The following FILIP1L variants were observed in gnomAD, a reference collection of about 807,000 sequenced individuals.
FILIP1L encodes the protein filamin A-interacting protein 1-like.
Under a neutral mutation model 96.6 loss-of-function variants are expected in FILIP1L, and 55 were observed. That is an observed-to-expected ratio of 0.57 (90% CI 0.46 to 0.71). The LOEUF (loss-of-function observed/expected upper bound fraction) is 0.71, where lower values mean the gene tolerates loss of function less well. Ranked by LOEUF, FILIP1L falls within the 30% of genes least tolerant of loss-of-function variation. The pLI is 0.00. For missense variants in FILIP1L, 1,304 were observed against 1,321.2 expected (o/e 0.99, Z 0.20); for synonymous variants, 467 against 473.9 (o/e 0.99, Z 0.19).
chr3:99,983,447 T>C (rs1328129482), intron 1 of FILIP1L, among the ~76,000 whole-genome samples: 47 of 7,918 alleles, frequency 5.9e-3, no homozygotes, highest in Admixed American at 0.012. Context: ...TATATGTATG[T>C]ATATATATAT....
intron 4 of FILIP1L, among the ~76,000 whole-genome samples, chr3:99,861,666 G>A (rs1477804538): frequency 6.6e-6 from 1 of 152,100 alleles, no homozygotes. Context: ...ATTACCCCCA[G>A]CAAGAGATTG....
chr3:99,959,145 C>G (rs1576601502), intron 1 of FILIP1L, among the ~76,000 whole-genome samples: 1 of 151,950 alleles, frequency 6.6e-6, no homozygotes, highest in East Asian at 1.9e-4. Flanking sequence ...TTTTCCCAAA[C>G]TTTATTTTTA....
intron 1 of FILIP1L, among the ~76,000 whole-genome samples, chr3:99,934,923 T>G (rs903560485): frequency 6.6e-6 from 1 of 152,242 alleles, no homozygotes; most frequent in Non-Finnish European, 1.5e-5. Flanking sequence ...ATCAACATTC[T>G]CACTGATTAA....
At chr3:100,059,087 C>T (rs967916471) in intron 1 of FILIP1L, among the ~76,000 whole-genome samples, 2 of 152,158 alleles carry the variant, frequency 1.3e-5, no homozygotes, top group African/African-American at 2.4e-5. Flanking sequence ...GTCAGCACTA[C>T]AAAGTAAAGC....
chr3:99,843,233 G>T (rs1943211646), intron 5 of FILIP1L, among the ~76,000 whole-genome samples: 1 of 152,150 alleles, frequency 6.6e-6, no homozygotes, highest in Non-Finnish European at 1.5e-5. Flanking sequence ...TAAGTTGAGG[G>T]CCTGGGATTG....
intron 4 of FILIP1L, among the ~76,000 whole-genome samples, chr3:99,905,046 T>A (rs1706568204): frequency 6.6e-6 from 1 of 152,238 alleles, no homozygotes; most frequent in Non-Finnish European, 1.5e-5. Flanking sequence ...CACTGCTCCA[T>A]GCCAGTTAAC....
At chr3:100,078,759 C>T (rs551261436) in intron 1 of FILIP1L, among the ~76,000 whole-genome samples, 22 of 152,138 alleles carry the variant, frequency 1.4e-4, no homozygotes, top group African/African-American at 4.1e-4. Context: ...AGCATCATGG[C>T]GGGTGCCTGT....
chr3:99,979,524 T>C (rs186288921), intron 1 of FILIP1L, among the ~76,000 whole-genome samples: 20 of 152,324 alleles, frequency 1.3e-4, no homozygotes, highest in African/African-American at 4.6e-4. Context: ...TTATTTTTCT[T>C]TCCCAGATTT....
intron 4 of FILIP1L, among the ~76,000 whole-genome samples, chr3:99,869,336 G>A (rs1025441422): frequency 6.6e-6 from 1 of 152,140 alleles, no homozygotes; most frequent in Non-Finnish European, 1.5e-5. Flanking sequence ...TTTGGGGGGA[G>A]ATTAGTGGAG....
intron 4 of FILIP1L, among the ~76,000 whole-genome samples, chr3:99,919,559 T>C (rs914964333): frequency 6.6e-6 from 1 of 151,890 alleles, no homozygotes; most frequent in Admixed American, 6.6e-5. Flanking sequence ...AATTAACTCA[T>C]TCATGTATGT....
At chr3:99,980,936 A>G (rs185747038) in intron 1 of FILIP1L, among the ~76,000 whole-genome samples, 1 of 152,116 alleles carries the variant, frequency 6.6e-6, no homozygotes, top group South Asian at 2.1e-4. Flanking sequence ...CTATGTACCC[A>G]TGTTTGCTGG....
intron 1 of FILIP1L, among the ~76,000 whole-genome samples, chr3:100,032,969 C>T (rs988425294): frequency 2.6e-5 from 4 of 151,892 alleles, no homozygotes; most frequent in African/African-American, 9.7e-5. Context: ...ACACAAACAC[C>T]AAGTACCAGG....
At chr3:100,100,319 A>G (rs1576060178) in intron 1 of FILIP1L, among the ~76,000 whole-genome samples, 1 of 152,312 alleles carries the variant, frequency 6.6e-6, no homozygotes, top group Middle Eastern at 3.4e-3. Context: ...AGTCCCAAAA[A>G]TAGCAATATT....
At chr3:99,835,766 G>C (rs1421468814) in intron 5 of FILIP1L, among the ~76,000 whole-genome samples, 3 of 152,162 alleles carry the variant, frequency 2.0e-5, no homozygotes, top group Non-Finnish European at 4.4e-5. Context: ...TTATGAGGTA[G>C]AATGACGTGC....
rs774077842 is a variant in FILIP1L at position 99,830,558 on chromosome 3, C to T, written c.3429G>A (p.Pro1143=). ...KQRIPARIPK[P]KSTGITKIST... is the part of the protein sequence containing the mutation. ...AAATCTTGGTGATGCCTGTAGATTTCGGTTTAGGGATCCGTGCTGGGATTC... is the reference window on the plus strand; with the variant it reads ...AAATCTTGGTGATGCCTGTAGATTTTGGTTTAGGGATCCGTGCTGGGATTC... Residue 1143 remains proline, a synonymous_variant, in exon 6 of 6, where the codon CCG becomes CCA. Coordinates refer to ENST00000477258, the MANE Select transcript of FILIP1L (RefSeq NM_001387850.1). The T allele has an allele frequency of 1.8e-4, 82 of 456,538 alleles. No homozygotes were observed. Among genetic ancestry groups the T allele is most frequent in the Non-Finnish European group, 3.1e-4 (71 of 226,990 alleles). The allele number at this position is 456,538 out of a possible 1,614,324, so 28.3% of individuals were successfully genotyped here.
intron 4 of FILIP1L, among the ~76,000 whole-genome samples, chr3:99,889,618 A>G (rs1706020739): frequency 6.6e-6 from 1 of 151,576 alleles, no homozygotes; most frequent in Admixed American, 6.6e-5. Flanking sequence ...CATTTGTACC[A>G]CCTTTTTGTT....
chr3:100,059,362 A>G (rs1458290883), intron 1 of FILIP1L, among the ~76,000 whole-genome samples: 1 of 152,194 alleles, frequency 6.6e-6, no homozygotes, highest in Non-Finnish European at 1.5e-5. Flanking sequence ...AATGCTTCAC[A>G]CCTGTGTCCT....
At chr3:100,029,581 T>G (rs528110081) in intron 1 of FILIP1L, among the ~76,000 whole-genome samples, 1 of 152,310 alleles carries the variant, frequency 6.6e-6, no homozygotes, top group East Asian at 1.9e-4. Context: ...TTCTTTGAGC[T>G]TAAGGTTTAT....
At chr3:99,968,510 G>C (rs1019920652) in intron 1 of FILIP1L, among the ~76,000 whole-genome samples, 21 of 152,068 alleles carry the variant, frequency 1.4e-4, no homozygotes, top group Admixed American at 8.5e-4. Context: ...CATGGAAGGT[G>C]ATGGGAGGTA....
Sources: gnomAD v4.1 joint callset for allele counts (sites outside exome capture counted in the v4.1 genomes callset) on GRCh38, gnomAD v4.1.1 for gene constraint, MANE v1.5 for transcripts, NCBI Gene and HGNC (gene_info 2026-07-23, HGNC 2026-07-21) for gene names.